The following RBFOX3 variants were observed in gnomAD, a reference collection of about 807,000 sequenced individuals.
RBFOX3 encodes RNA binding fox-1 homolog 3.
RBFOX3 carries 17 observed loss-of-function variants against 48.7 expected under a neutral mutation model. That is an observed-to-expected ratio of 0.35 (90% CI 0.24 to 0.52). The LOEUF (loss-of-function observed/expected upper bound fraction) is 0.52. Ranked by LOEUF, RBFOX3 falls within the 20% of genes least tolerant of loss-of-function variation. The pLI, the probability that RBFOX3 is intolerant of heterozygous loss-of-function variation, is 0.94. For synonymous variants in RBFOX3, 212 were observed against 209.5 expected (o/e 1.01, Z -0.10); for missense variants, 382 against 497.5 (o/e 0.77, Z 2.21).
chr17:79,283,152 C>T (rs1451468462), intron 3 of RBFOX3, among the ~76,000 whole-genome samples: 2 of 152,182 alleles, frequency 1.3e-5, no homozygotes, highest in East Asian at 3.8e-4. Context: ...GGAACAGGAG[C>T]AGCCTCCGTT....
Position 79,392,373 on chromosome 17 carries a change from T to C in RBFOX3, c.-174-84549A>G, listed in dbSNP as rs2061471517. 6.6e-6 allele frequency among the ~76,000 whole-genome samples: 1 copy of C among 152,204 alleles called. No individual in the cohort carries two copies. Among genetic ancestry groups the C allele is most frequent in the Non-Finnish European group, 1.5e-5 (1 of 68,042 alleles). On this transcript the variant is annotated intron_variant, in intron 2 of 14. Transcript: ENST00000693108. The surrounding 1 kb of genome is among the most constrained non-coding windows in gnomAD (Gnocchi z 5.0). ...CACGTGATTTCACCGTCTTTCATTGTGGAGTTGTGAAGATTCATAAGCTAA... is the reference window on the plus strand; with the variant it reads ...CACGTGATTTCACCGTCTTTCATTGCGGAGTTGTGAAGATTCATAAGCTAA...
At chr17:79,378,232 A>C (rs2147848865) in intron 2 of RBFOX3, among the ~76,000 whole-genome samples, 1 of 152,080 alleles carries the variant, frequency 6.6e-6, no homozygotes, top group East Asian at 1.9e-4. Flanking sequence ...CACTCTGGAC[A>C]CAAAGAACTG....
intron 2 of RBFOX3, among the ~76,000 whole-genome samples, chr17:79,373,258 T>C (rs2058794294): frequency 6.6e-6 from 1 of 152,002 alleles, no homozygotes; most frequent in Non-Finnish European, 1.5e-5. Flanking sequence ...CCCCCACACA[T>C]ACATACTCAA....
chr17:79,182,566 G>A (rs1054989341), intron 4 of RBFOX3, among the ~76,000 whole-genome samples: 2 of 151,374 alleles, frequency 1.3e-5, no homozygotes, highest in Non-Finnish European at 3.0e-5. Flanking sequence ...CGGGCAGGCG[G>A]CTGCTGATGC....
intron 9 of RBFOX3, chr17:79,099,086 C>A (rs1223674939): frequency 1.3e-5 from 2 of 152,316 alleles, no homozygotes; most frequent in African/African-American, 4.8e-5. Flanking sequence ...ACTTTGGAAT[C>A]TTCCAAAAAG....
At chr17:79,248,816 C>T (rs1001975606) in intron 3 of RBFOX3, among the ~76,000 whole-genome samples, 4 of 152,194 alleles carry the variant, frequency 2.6e-5, no homozygotes, top group African/African-American at 7.2e-5. Context: ...TTGGGTGTTG[C>T]CACGCAGAGC....
intron 1 of RBFOX3, among the ~76,000 whole-genome samples, chr17:79,542,082 A>T (rs1568396128): frequency 6.7e-6 from 1 of 149,952 alleles, no homozygotes; most frequent in Non-Finnish European, 1.5e-5. Context: ...ACACTCCGAG[A>T]CCTCTATGTG....
chr17:79,495,878 A>AGGGACCCTGCAGGCC (rs1253510290), intron 1 of RBFOX3, among the ~76,000 whole-genome samples: 1 of 151,762 alleles, frequency 6.6e-6, no homozygotes, highest in Non-Finnish European at 1.5e-5. Flanking sequence ...CCCTGTGGGC[A>AGGGACCCTGCAGGCC]GGGACCCTGC....
At chr17:79,619,002 G>A in the RBFOX3 span, among the ~76,000 whole-genome samples, 2 of 152,202 alleles carry the variant, frequency 1.3e-5, no homozygotes, top group South Asian at 4.1e-4. Context: ...AGAAAGACAC[G>A]TGCATTTTTC....
rs886363479 is a variant in RBFOX3 at position 79,205,898 on chromosome 17, T to C, written c.-34+29868A>G. Among the ~76,000 whole-genome samples, 3 of 152,048 alleles carry C rather than the reference T, an allele frequency of 2.0e-5. No homozygotes were observed. The highest frequency in any genetic ancestry group is 7.3e-5 in the African/African-American group (3 of 41,362). On this transcript the variant is annotated intron_variant, in intron 4 of 14. Transcript: ENST00000693108. This position sits in a 1 kb window ranked among gnomAD's most constrained non-coding sequence, Gnocchi z 4.5. ...TACATAGGAAGGACAGCAATACACA[T>C]TTCCTATCTTGCTGCAAGGCTGCAA...
intron 5 of RBFOX3, among the ~76,000 whole-genome samples, chr17:79,110,319 C>T (rs577556981): frequency 6.6e-6 from 1 of 152,214 alleles, no homozygotes; most frequent in African/African-American, 2.4e-5. Context: ...GTCTAGTTGC[C>T]ACACAGCACC....
At position 79,363,217 on chromosome 17, in the gene RBFOX3, A is replaced by G. The variant is rs1443496149; in HGVS notation, c.-174-55393T>C. 6.6e-6 allele frequency among the ~76,000 whole-genome samples: 1 copy of G among 152,172 alleles called. No homozygotes were observed. On this transcript the variant is annotated intron_variant, in intron 2 of 14. Coordinates refer to ENST00000693108, the MANE Select transcript of RBFOX3 (RefSeq NM_001350451.2). The surrounding 1 kb of genome is among the most constrained non-coding windows in gnomAD (Gnocchi z 4.7). ...GCGTGGCCAGGGGTTCTGTAGTGCC[A>G]GCAAGGCTGATGCACAGAGAGGGGA...
At chr17:79,289,093 G>C (rs923786655) in intron 3 of RBFOX3, among the ~76,000 whole-genome samples, 37 of 152,156 alleles carry the variant, frequency 2.4e-4, no homozygotes, top group African/African-American at 8.2e-4. Flanking sequence ...ACCAGAACCT[G>C]TCATCTCTAA....
chr17:79,453,154 C>T (rs782713494), intron 2 of RBFOX3, among the ~76,000 whole-genome samples: 1 of 152,252 alleles, frequency 6.6e-6, no homozygotes, highest in Non-Finnish European at 1.5e-5. Context: ...GGATGAAATG[C>T]TAATAGCCGT....
chr17:79,455,601 G>A (rs1284129936), intron 2 of RBFOX3, among the ~76,000 whole-genome samples: 20 of 152,206 alleles, frequency 1.3e-4, no homozygotes, highest in Non-Finnish European at 2.6e-4. Flanking sequence ...ACACACGCAC[G>A]CAGTCACACA....
intron 1 of RBFOX3, among the ~76,000 whole-genome samples, chr17:79,585,327 G>T (rs1301036977): frequency 2.0e-5 from 3 of 151,892 alleles, no homozygotes; most frequent in Non-Finnish European, 2.9e-5. Context: ...AGGCTGAGGC[G>T]GGTGCATCAC....
intron 1 of RBFOX3, among the ~76,000 whole-genome samples, chr17:79,584,991 T>G (rs2093199413): frequency 6.6e-6 from 1 of 151,804 alleles, no homozygotes; most frequent in South Asian, 2.1e-4. Context: ...GTTCTCGATC[T>G]CCTGACCTCG....
At position 79,214,190 on chromosome 17, in the gene RBFOX3, G is replaced by A. The variant is rs2058721047; in HGVS notation, c.-34+21576C>T. On this transcript the variant is annotated intron_variant, in intron 4 of 14. Transcript: ENST00000693108. The surrounding 1 kb of genome is among the most constrained non-coding windows in gnomAD (Gnocchi z 4.7). ...CTCACCAGAGCTTTGCCACCCGTGG[G>A]TATTAGGACCCTGATAAAGTCGGCC... Among the ~76,000 whole-genome samples the A allele has an allele frequency of 6.6e-6, 1 of 152,162 alleles. No individual in the cohort carries two copies. The highest frequency in any genetic ancestry group is 1.5e-5 in the Non-Finnish European group (1 of 68,030).
chr17:79,647,678 C>T, the RBFOX3 span, among the ~76,000 whole-genome samples: 1 of 152,220 alleles, frequency 6.6e-6, no homozygotes, highest in African/African-American at 2.4e-5. Context: ...CCCACAGGCC[C>T]TGCTGCCCCT....
Sources: allele counts gnomAD v4.1 joint callset (sites outside exome capture counted in the v4.1 genomes callset), GRCh38; gene constraint gnomAD v4.1.1; non-coding constraint Gnocchi (gnomAD v3.1); transcripts MANE v1.5; gene names NCBI Gene and HGNC (gene_info 2026-07-23, HGNC 2026-07-21).